The following VAT1L variants were observed in gnomAD, a reference collection of about 807,000 sequenced individuals.
VAT1L encodes putative NADPH-dependent quinone oxidoreductase VAT1L.
A neutral mutation model predicts 44.1 loss-of-function variants in VAT1L; 34 were observed. The ratio of observed to expected loss-of-function variants is 0.77; its 90% CI spans 0.59 to 1.03. VAT1L has a LOEUF of 1.03. VAT1L is among the 50% of genes least tolerant of loss of function. The pLI is 0.00. For synonymous variants in VAT1L, 253 were observed against 202.2 expected (o/e 1.25, Z -2.13); for missense variants, 615 against 538.8 (o/e 1.14, Z -1.40).
At chr16:77,827,489 A>G (rs574160200) in intron 3 of VAT1L, among the ~76,000 whole-genome samples, 72 of 152,348 alleles carry the variant, frequency 4.7e-4, no homozygotes, top group African/African-American at 1.7e-3. Context: ...ATCGTGCTCT[A>G]TTCTGGGCTT....
At chr16:77,814,432 TAGCCTCTTCTCATTGGAA>T (rs1955230348) in intron 1 of VAT1L, among the ~76,000 whole-genome samples, 1 of 152,214 alleles carries the variant, frequency 6.6e-6, no homozygotes, top group African/African-American at 2.4e-5. Flanking sequence ...AAGTCAGTGT[TAGCCTCTTCTCATTGGAA>T]TTTAAGTAGC....
At chr16:77,955,173 T>G (rs1242824160) in intron 7 of VAT1L, among the ~76,000 whole-genome samples, 1 of 152,204 alleles carries the variant, frequency 6.6e-6, no homozygotes, top group Non-Finnish European at 1.5e-5. Flanking sequence ...CAAGAGCCCA[T>G]GGAGCAATGG....
intron 7 of VAT1L, among the ~76,000 whole-genome samples, chr16:77,953,067 AAAAG>A (rs1385581348): frequency 6.6e-6 from 1 of 152,078 alleles, no homozygotes; most frequent in Non-Finnish European, 1.5e-5. Flanking sequence ...TAAGAAGGAA[AAAAG>A]AGAGAGAGAA....
At chr16:77,865,818 A>T (rs1290657900) in intron 4 of VAT1L, among the ~76,000 whole-genome samples, 1 of 152,172 alleles carries the variant, frequency 6.6e-6, no homozygotes, top group Non-Finnish European at 1.5e-5. Context: ...GGGAGTGGGA[A>T]GAGAAGGGAG....
At chr16:77,815,256 C>G (rs2016331077) in intron 1 of VAT1L, among the ~76,000 whole-genome samples, 1 of 152,180 alleles carries the variant, frequency 6.6e-6, no homozygotes, top group Non-Finnish European at 1.5e-5. Context: ...ACTCCAAATT[C>G]TTTGACTGCT....
intron 3 of VAT1L, among the ~76,000 whole-genome samples, chr16:77,839,957 G>A (rs1039143482): frequency 3.9e-5 from 6 of 152,142 alleles, no homozygotes; most frequent in Admixed American, 6.6e-5. Flanking sequence ...AGTCTTTGGG[G>A]TGAGACTGAC....
At chr16:77,824,669 T>C (rs143923344) in intron 2 of VAT1L, among the ~76,000 whole-genome samples, 2,463 of 148,182 alleles carry the variant, frequency 0.017, 72 homozygotes, top group African/African-American at 0.056. Context: ...GGCAGGAGAA[T>C]AGCGTGAACC....
chr16:77,790,677 G>A (rs932012863), intron 1 of VAT1L, among the ~76,000 whole-genome samples: 1 of 152,134 alleles, frequency 6.6e-6, no homozygotes, highest in Non-Finnish European at 1.5e-5. Context: ...GCATATGTAT[G>A]CGTATGTAAT....
At chr16:77,838,386 C>T (rs1340191400) in intron 3 of VAT1L, among the ~76,000 whole-genome samples, 3 of 152,186 alleles carry the variant, frequency 2.0e-5, no homozygotes, top group Admixed American at 2.0e-4. Flanking sequence ...CTCACTGACA[C>T]CCACCAGGAT....
chr16:77,913,639 C>G (rs1052587111), intron 7 of VAT1L, among the ~76,000 whole-genome samples: 7 of 152,110 alleles, frequency 4.6e-5, no homozygotes, highest in African/African-American at 1.4e-4. Context: ...AGGGCTCCGT[C>G]CTTGGGACTC....
chr16:77,788,586 A>G lies in VAT1L; in HGVS notation c.-97A>G, dbSNP rs932228467. The G allele has an allele frequency of 6.6e-6, 9 of 1,366,102 alleles. No homozygotes were observed. In the East Asian group the frequency reaches 7.6e-5, roughly 12 times the overall value. The allele number at this position is 1,366,102 out of a possible 1,614,324, so 84.6% of individuals were successfully genotyped here. ...GCCATTGCACAGCCGAGCATCCCAC[A>G]TTCAACAGGAGGAACCCGCGGGAGA... On this transcript the variant is annotated 5_prime_UTR_variant, in exon 1 of 9. Coordinates refer to ENST00000302536, the MANE Select transcript of VAT1L (RefSeq NM_020927.3).
At chr16:77,827,212 G>C (rs113678096) in intron 3 of VAT1L, among the ~76,000 whole-genome samples, 1 of 152,158 alleles carries the variant, frequency 6.6e-6, no homozygotes, top group Admixed American at 6.5e-5. Flanking sequence ...CAGCAAGCAA[G>C]CCATTTAGAA....
intron 7 of VAT1L, among the ~76,000 whole-genome samples, chr16:77,927,515 C>G (rs1443309204): frequency 6.6e-6 from 1 of 152,082 alleles, no homozygotes; most frequent in Non-Finnish European, 1.5e-5. Context: ...TGCTGTCATC[C>G]TATGGCCACC....
chr16:77,905,325 G>A (rs2017426924), intron 7 of VAT1L, among the ~76,000 whole-genome samples: 1 of 152,138 alleles, frequency 6.6e-6, no homozygotes, highest in South Asian at 2.1e-4. Flanking sequence ...AGAAAAAGCA[G>A]TAGCTGAGAG....
intron 3 of VAT1L, among the ~76,000 whole-genome samples, chr16:77,841,839 T>G (rs573000005): frequency 1.3e-5 from 2 of 152,274 alleles, no homozygotes; most frequent in South Asian, 2.1e-4. Flanking sequence ...GACTTAGTGG[T>G]GTCTAAGCCT....
At chr16:77,904,020 G>C (rs7202337) in intron 7 of VAT1L, among the ~76,000 whole-genome samples, 5,800 of 152,130 alleles carry the variant, frequency 0.038, 418 homozygotes, top group African/African-American at 0.13. Context: ...ACAGGTATGA[G>C]CCACTGTGCC....
At chr16:77,860,808 G>T (rs1465686982) in intron 3 of VAT1L, among the ~76,000 whole-genome samples, 3 of 152,174 alleles carry the variant, frequency 2.0e-5, no homozygotes, top group Non-Finnish European at 4.4e-5. Context: ...AGAGTCTCAG[G>T]TTCATGCCCA....
At chr16:77,870,614 A>G (rs2017021305) in intron 4 of VAT1L, among the ~76,000 whole-genome samples, 2 of 152,190 alleles carry the variant, frequency 1.3e-5, no homozygotes, top group African/African-American at 4.8e-5. Flanking sequence ...ACTCTGAAAT[A>G]TCTTACTGCT....
chr16:77,879,249 T>C lies in VAT1L; in HGVS notation c.882+25T>C, dbSNP rs781264298. On this transcript the variant is annotated intron_variant, in intron 6 of 8. Transcript: ENST00000302536. The surrounding 1 kb of genome is among the most constrained non-coding windows in gnomAD (Gnocchi z 4.1). ...AGTAAGTATCCAGGCACATCTGATG[T>C]ACTGTGGTGGCATGTTGATTCACAT... is the stretch of plus-strand genomic sequence containing the variant. 5.6e-6 allele frequency: 9 copies of C among 1,610,622 alleles called. No homozygotes were observed. The highest frequency in any genetic ancestry group is 6.8e-6 in the Non-Finnish European group (8 of 1,176,858).
Sources: allele counts gnomAD v4.1 joint callset (sites outside exome capture counted in the v4.1 genomes callset), GRCh38; gene constraint gnomAD v4.1.1; non-coding constraint Gnocchi (gnomAD v3.1); transcripts MANE v1.5; gene names NCBI Gene and HGNC (gene_info 2026-07-23, HGNC 2026-07-21).